Variants in SGPP2 observed in about 807,000 individuals in gnomAD.
SGPP2 encodes sphingosine-1-phosphate phosphatase 2.
A neutral mutation model predicts 33.9 loss-of-function variants in SGPP2; 30 were observed. The ratio of observed to expected loss-of-function variants is 0.89; its 90% confidence interval spans 0.66 to 1.20. The LOEUF is 1.20. SGPP2 is among the 50% of genes most tolerant of loss of function. The pLI is 0.00. For synonymous variants in SGPP2, 233 were observed against 225.0 expected, an observed-to-expected ratio of 1.04 and a Z score of -0.32; for missense variants, 458 against 532.1, an observed-to-expected ratio of 0.86 and a Z score of 1.37.
chr2:222,520,737 A>ACC (rs58857885), intron 2 of SGPP2, among the ~76,000 whole-genome samples: 4 of 140,390 alleles, frequency 2.8e-5, no homozygotes, highest in Admixed American at 1.4e-4. Flanking sequence ...AAAAAAAAAA[A>ACC]AAAAAAAACC....
In SGPP2 at chr2:222,558,377, C is replaced by A; in HGVS notation, c.679C>A (p.Leu227Ile). ...DVLGGVLITA[L>I]LIVLTYPAWT... The stretch of plus-strand genomic sequence containing the variant: ...GCTGGGTGGCGTCCTGATCACCGCA[C>A]TCCTCATCGTCCTCACCTACCCTGC... Residue 227 changes from leucine (L) to isoleucine (I), a missense_variant, in exon 5 of 5, where the codon CTC becomes ATC. Transcript: ENST00000321276. 1 of 1,614,134 alleles carries A rather than the reference C, an allele frequency of 6.2e-7. No individual in the cohort carries two copies. The highest frequency in any genetic ancestry group is 8.5e-7 in the Non-Finnish European group (1 of 1,179,988).
chr2:222,466,506 C>T (rs1009533094), intron 1 of SGPP2, among the ~76,000 whole-genome samples: 31 of 152,130 alleles, frequency 2.0e-4, no homozygotes, highest in Non-Finnish European at 3.7e-4. Context: ...GATCCGCCCA[C>T]CTCGGCCTCC....
chr2:222,474,775 C>T, intron 2 of SGPP2, 49 bp downstream of exon 2: 1 of 1,452,212 alleles, frequency 6.9e-7, no homozygotes, highest in Non-Finnish European at 9.5e-7. Context: ...AAAACAACTA[C>T]TTCCTTTGAT....
In SGPP2 at chr2:222,486,580, A is replaced by C. The variant is rs924595140; in HGVS notation, c.378+11854A>C. On this transcript the variant is annotated intron_variant, in intron 2 of 4. Coordinates refer to ENST00000321276, the MANE Select transcript of SGPP2 (RefSeq NM_152386.4). ...TCAAGATATTCACTCTCTGTGTGGC[A>C]AGGGCCATCATTTACAGGTCCTGAC... is the stretch of plus-strand genomic sequence containing the variant. Among the ~76,000 whole-genome samples the C allele has an allele frequency of 8.5e-5, 13 of 152,198 alleles. No homozygotes were observed. In the East Asian group the frequency reaches 9.6e-4, roughly 11 times the overall value.
At chr2:222,435,980 A>T (rs1395194564) in intron 1 of SGPP2, among the ~76,000 whole-genome samples, 1 of 152,132 alleles carries the variant, frequency 6.6e-6, no homozygotes, top group Non-Finnish European at 1.5e-5. Flanking sequence ...GGGCTGTTGT[A>T]CTTTCCCATT....
intron 4 of SGPP2, among the ~76,000 whole-genome samples, chr2:222,548,812 G>T (rs1689245423): frequency 6.6e-6 from 1 of 152,054 alleles, no homozygotes; most frequent in Non-Finnish European, 1.5e-5. Flanking sequence ...GAATAATGTT[G>T]CCTCCTCCTT....
At chr2:222,520,231 T>A (rs974655262) in intron 2 of SGPP2, among the ~76,000 whole-genome samples, 1 of 152,202 alleles carries the variant, frequency 6.6e-6, no homozygotes, top group African/African-American at 2.4e-5. Context: ...AGGTGATATC[T>A]CATTGTGGTT....
intron 1 of SGPP2, among the ~76,000 whole-genome samples, chr2:222,446,623 A>G (rs1697403752): frequency 1.3e-5 from 2 of 152,182 alleles, no homozygotes; most frequent in Non-Finnish European, 2.9e-5. Flanking sequence ...TTTAATCACT[A>G]TTTCATTGGC....
At chr2:222,492,042 C>T (rs1327121119) in intron 2 of SGPP2, among the ~76,000 whole-genome samples, 4 of 152,184 alleles carry the variant, frequency 2.6e-5, no homozygotes, top group Non-Finnish European at 5.9e-5. Flanking sequence ...GTCTCACATT[C>T]GTAAGAGTGC....
At chr2:222,520,244 T>C (rs573689680) in intron 2 of SGPP2, among the ~76,000 whole-genome samples, 2 of 152,338 alleles carry the variant, frequency 1.3e-5, no homozygotes, top group African/African-American at 4.8e-5. Context: ...TTGTGGTTTT[T>C]GACTTGTATT....
chr2:222,427,642 C>A (rs903202366), intron 1 of SGPP2, among the ~76,000 whole-genome samples: 1 of 152,112 alleles, frequency 6.6e-6, no homozygotes, highest in Non-Finnish European at 1.5e-5. Flanking sequence ...TTCCGCATAG[C>A]CTAGAAGGTA....
intron 2 of SGPP2, among the ~76,000 whole-genome samples, chr2:222,500,687 G>A (rs1367530511): frequency 6.6e-6 from 1 of 152,154 alleles, no homozygotes; most frequent in African/African-American, 2.4e-5. Context: ...ACTGAAAACT[G>A]GCATTGTCTG....
At chr2:222,531,015 C>T (rs1215839553) in intron 4 of SGPP2, among the ~76,000 whole-genome samples, 1 of 152,126 alleles carries the variant, frequency 6.6e-6, no homozygotes, top group African/African-American at 2.4e-5. Flanking sequence ...GCCTGGGTGA[C>T]AGAATGAGAT....
chr2:222,484,484 A>G (rs1698074704), intron 2 of SGPP2, among the ~76,000 whole-genome samples: 1 of 152,236 alleles, frequency 6.6e-6, no homozygotes, highest in African/African-American at 2.4e-5. Flanking sequence ...GGAAACTTTT[A>G]AAGATGAAAT....
chr2:222,440,504 G>A (rs1164081900), intron 1 of SGPP2, among the ~76,000 whole-genome samples: 6 of 151,600 alleles, frequency 4.0e-5, no homozygotes, highest in African/African-American at 7.3e-5. Context: ...CACCATGCCC[G>A]GCTAATTTTT....
chr2:222,511,131 G>A (rs972599106), intron 2 of SGPP2, among the ~76,000 whole-genome samples: 1 of 152,156 alleles, frequency 6.6e-6, no homozygotes, highest in African/African-American at 2.4e-5. Context: ...ACTACACTAA[G>A]AGAAAAAGTG....
At chr2:222,522,986 C>T (rs765759071) in intron 3 of SGPP2, among the ~76,000 whole-genome samples, 1 of 152,256 alleles carries the variant, frequency 6.6e-6, no homozygotes, top group Non-Finnish European at 1.5e-5. Flanking sequence ...CCCAGCCCCA[C>T]TGGAAGTTTT....
chr2:222,479,444 C>T (rs1041777935), intron 2 of SGPP2, among the ~76,000 whole-genome samples: 2 of 144,434 alleles, frequency 1.4e-5, no homozygotes, highest in African/African-American at 5.2e-5. Context: ...GCTCTGTCAC[C>T]CAAGCTGGAG....
At chr2:222,551,647 T>C (rs1454392692) in intron 4 of SGPP2, among the ~76,000 whole-genome samples, 6 of 152,206 alleles carry the variant, frequency 3.9e-5, no homozygotes, top group Non-Finnish European at 8.8e-5. Flanking sequence ...GCTGAAAATC[T>C]CACCGACAGC....
Sources: gnomAD v4.1 joint callset for allele counts (sites outside exome capture counted in the v4.1 genomes callset) on GRCh38, gnomAD v4.1.1 for gene constraint, MANE v1.5 for transcripts, NCBI Gene and HGNC (gene_info 2026-07-23, HGNC 2026-07-21) for gene names.